The following MSTO1 variants were observed in gnomAD, a reference collection of about 807,000 sequenced individuals.
The protein encoded by MSTO1 is misato mitochondrial distribution and morphology regulator 1.
A neutral mutation model predicts 55.7 loss-of-function variants in MSTO1; 24 were observed. The observed-to-expected ratio is 0.43, with a 90% CI of 0.31 to 0.61. The LOEUF is 0.61. MSTO1 is among the 20% of genes least tolerant of loss of function. MSTO1 has a pLI of 0.09. For missense variants in MSTO1, 363 were observed against 625.7 expected, an observed-to-expected ratio of 0.58 and a Z score of 4.48; for synonymous variants, 162 against 252.8, an observed-to-expected ratio of 0.64 and a Z score of 3.41.
chr1:155,600,260 C>CT, the MSTO1 span, among the ~76,000 whole-genome samples: 2 of 152,212 alleles, frequency 1.3e-5, no homozygotes, highest in Non-Finnish European at 2.9e-5. Flanking sequence ...GGTGATGACT[C>CT]TTAACGAGCA....
the MSTO1 span, chr1:155,591,220 G>A: frequency 6.2e-7 from 1 of 1,611,468 alleles, no homozygotes; most frequent in Non-Finnish European, 8.5e-7. Context: ...CAGCCCAGCA[G>A]TGTCAGGACG....
chr1:155,590,623 T>C, the MSTO1 span: 2 of 1,373,920 alleles, frequency 1.5e-6, no homozygotes, highest in Non-Finnish European at 9.9e-7. Context: ...CTTGGTAGGG[T>C]ACTCAGAGGT....
the MSTO1 span, among the ~76,000 whole-genome samples, chr1:155,579,321 GCAAA>G: frequency 0.081 from 12,241 of 150,986 alleles, 618 homozygotes; most frequent in African/African-American, 0.13. Context: ...CTCAAAACAA[GCAAA>G]CAAACAAACA....
the MSTO1 span, among the ~76,000 whole-genome samples, chr1:155,595,471 C>A: frequency 6.6e-6 from 1 of 151,014 alleles, no homozygotes; most frequent in Non-Finnish European, 1.5e-5. Context: ...AGCCACCGCG[C>A]CCGGCCTCAA....
the MSTO1 span, among the ~76,000 whole-genome samples, chr1:155,605,009 C>T: frequency 6.6e-5 from 10 of 152,164 alleles, no homozygotes; most frequent in Non-Finnish European, 1.5e-4. Flanking sequence ...GCCTGTAATC[C>T]CAGCACTTTG....
chr1:155,581,659 C>T, the MSTO1 span, among the ~76,000 whole-genome samples: 2 of 152,192 alleles, frequency 1.3e-5, no homozygotes, highest in South Asian at 2.1e-4. Flanking sequence ...GCCTCAGCCT[C>T]CCAAAGTACT....
chr1:155,574,361 CAT>C, the MSTO1 span, among the ~76,000 whole-genome samples: 1 of 152,038 alleles, frequency 6.6e-6, no homozygotes. Flanking sequence ...AAGAAAAAGA[CAT>C]AGCAGAAAAG....
At position 155,612,541 on chromosome 1, in the gene MSTO1, C is replaced by G; in HGVS notation, c.937C>G (p.Pro313Ala). 3.7e-6 allele frequency: 6 copies of G among 1,613,026 alleles called. No individual in the cohort carries two copies. The highest frequency in any genetic ancestry group is 5.1e-6 in the Non-Finnish European group (6 of 1,179,896). The change falls in exon 9 of 14, where the codon CCT becomes GCT. Residue 313 changes from proline (P) to alanine (A), a missense_variant. By Grantham distance (27) the Pro-to-Ala change is conservative. Around this residue, in one of 3 missense-constraint regions of MSTO1, gnomAD observed 231 missense variants for 286.9 expected, o/e 0.81. Coordinates refer to ENST00000245564, the MANE Select transcript of MSTO1 (RefSeq NM_018116.4). ...GGSLGLRPEP[P>A]VSFPYLHYDA... Reference sequence around the variant, plus strand: ...GAGCCTGGGCCTGCGACCCGAGCCACCTGTCAGCTTCCCTTACCTGCATTA... The same window carrying G: ...GAGCCTGGGCCTGCGACCCGAGCCAGCTGTCAGCTTCCCTTACCTGCATTA...
At chr1:155,574,175 T>C in the MSTO1 span, among the ~76,000 whole-genome samples, 5 of 152,204 alleles carry the variant, frequency 3.3e-5, no homozygotes, top group East Asian at 9.7e-4. Flanking sequence ...CTGGACAACA[T>C]GGTGAAACCC....
the MSTO1 span, among the ~76,000 whole-genome samples, chr1:155,571,259 A>G: frequency 1.3e-5 from 2 of 152,308 alleles, no homozygotes; most frequent in Non-Finnish European, 2.9e-5. Context: ...GGCTTTGAAT[A>G]GGGCCCAACA....
the MSTO1 span, among the ~76,000 whole-genome samples, chr1:155,578,534 G>A: frequency 8.9e-6 from 1 of 112,606 alleles, no homozygotes; most frequent in Non-Finnish European, 1.7e-5. Context: ...TTTTTGAGAC[G>A]GAGTCCCACT....
the MSTO1 span, among the ~76,000 whole-genome samples, chr1:155,570,157 T>C: frequency 6.6e-6 from 1 of 152,210 alleles, no homozygotes. Flanking sequence ...TTCTAGAATG[T>C]TAATCCCAGT....
At chr1:155,574,302 C>T in the MSTO1 span, among the ~76,000 whole-genome samples, 8 of 152,164 alleles carry the variant, frequency 5.3e-5, no homozygotes, top group African/African-American at 1.7e-4. Flanking sequence ...GCCAAGATCA[C>T]GTCATCACAC....
At chr1:155,593,073 G>C in the MSTO1 span, among the ~76,000 whole-genome samples, 1 of 151,934 alleles carries the variant, frequency 6.6e-6, no homozygotes, top group African/African-American at 2.4e-5. Context: ...CACCACACCT[G>C]GCTAATTTTT....
the MSTO1 span, among the ~76,000 whole-genome samples, chr1:155,578,336 CTTTTTTTTTT>C: frequency 7.9e-4 from 35 of 44,292 alleles, no homozygotes; most frequent in Non-Finnish European, 1.0e-3. Flanking sequence ...AACTACCTTT[CTTTTTTTTTT>C]TTTTTTTTTT....
the MSTO1 span, among the ~76,000 whole-genome samples, chr1:155,582,111 C>A: frequency 2.0e-5 from 3 of 151,596 alleles, no homozygotes; most frequent in Non-Finnish European, 4.4e-5. Flanking sequence ...CCAAGGTGGT[C>A]TCGATCTCCT....
the MSTO1 span, among the ~76,000 whole-genome samples, chr1:155,573,537 G>GA: frequency 2.0e-4 from 29 of 147,362 alleles, no homozygotes; most frequent in East Asian, 2.0e-3. Context: ...TGTCCCTACG[G>GA]AAAAAAAAAA....
At chr1:155,570,762 CTGTG>C in the MSTO1 span, among the ~76,000 whole-genome samples, 2 of 151,738 alleles carry the variant, frequency 1.3e-5, no homozygotes, top group African/African-American at 2.4e-5. Flanking sequence ...TAGGAAAAAA[CTGTG>C]TGTGTGTGTT....
the MSTO1 span, among the ~76,000 whole-genome samples, chr1:155,602,447 G>C: frequency 6.6e-6 from 1 of 152,142 alleles, no homozygotes; most frequent in Non-Finnish European, 1.5e-5. Context: ...TTGCACTCCA[G>C]CCTGGGCGAC....
Sources: gnomAD v4.1 joint callset for allele counts (sites outside exome capture counted in the v4.1 genomes callset) on GRCh38, gnomAD v4.1.1 for gene constraint, gnomAD v4.1.1 regional missense constraint, MANE v1.5 for transcripts, NCBI Gene and HGNC (gene_info 2026-07-23, HGNC 2026-07-21) for gene names.